HTR3A: variants seen among roughly 807,000 people sequenced by gnomAD.
HTR3A encodes 5-hydroxytryptamine (serotonin) receptor 3A, ionotropic.
Under a neutral mutation model 54.8 loss-of-function variants are expected in HTR3A, and 45 were observed. The ratio of observed to expected loss-of-function variants is 0.82; its 90% CI spans 0.65 to 1.05. The LOEUF is 1.05. HTR3A is among the 50% of genes least tolerant of loss of function. The pLI, the probability that HTR3A is intolerant of heterozygous loss-of-function variation, is 0.00. For synonymous variants in HTR3A, 297 were observed against 256.0 expected (o/e 1.16, Z -1.53); for missense variants, 657 against 614.0 (o/e 1.07, Z -0.74).
chr11:113,989,859 A>G lies in HTR3A; in HGVS notation c.*96A>G. On this transcript the variant is annotated 3_prime_UTR_variant, in exon 9 of 9. Transcript: ENST00000504030. The surrounding 1 kb of genome is among the most constrained non-coding windows in gnomAD (Gnocchi z 4.4). ...CCTCAGGACCCAGGGAATGCCAGGG[A>G]CATTTTCAAGACACAGACAAAGTCC... The G allele has an allele frequency of 7.4e-7, 1 of 1,350,954 alleles. No homozygotes were observed. Among genetic ancestry groups the G allele is most frequent in the Non-Finnish European group, 1.0e-6 (1 of 955,082 alleles). 83.7% of individuals were successfully genotyped at this position (1,350,954 alleles called of 1,614,324 possible). A position where few individuals can be genotyped will look rare whatever the true frequency, so the allele number is the denominator to read the frequency against.
chr11:113,977,967 T>C, intron 2 of HTR3A, 45 bp downstream of exon 2: 1 of 1,612,156 alleles, frequency 6.2e-7, no homozygotes, highest in Non-Finnish European at 8.5e-7. Flanking sequence ...CTTTTGGGGG[T>C]GGGAGAAGGC....
intron 2 of HTR3A, 108 bp downstream of exon 2, chr11:113,978,030 AG>A: frequency 1.5e-6 from 2 of 1,312,744 alleles, no homozygotes; most frequent in Non-Finnish European, 2.2e-6. Context: ...GAGAACCCAT[AG>A]GACCTACGGT....
chr11:113,989,543 C>A lies in HTR3A; in HGVS notation c.1217C>A (p.Pro406Gln), dbSNP rs771908921. The change falls in exon 9 of 9, where the codon CCA becomes CAA. Residue 406 changes from proline to glutamine, a missense_variant. Pro to Gln is a moderately conservative substitution (Grantham distance 76). Coordinates refer to ENST00000504030, the MANE Select transcript of HTR3A (RefSeq NM_000869.6). This position sits in a 1 kb window ranked among gnomAD's most constrained non-coding sequence, Gnocchi z 4.4. ...KSPRDRCSPPPPPREASLAVC... is the reference protein window; with the variant it reads ...KSPRDRCSPPQPPREASLAVC... ...CCGAGGGACAGATGTAGCCCTCCCC[C>A]ACCACCTCGGGAGGCCTCGCTGGCG... 12 of 1,614,086 alleles carry A rather than the reference C, an allele frequency of 7.4e-6. No individual in the cohort carries two copies. In the African/African-American group the frequency reaches 1.2e-4, roughly 16 times the overall value.
chr11:113,984,804 A>G (rs1176714), intron 5 of HTR3A, among the ~76,000 whole-genome samples: 37,217 of 151,978 alleles, frequency 0.24, 4,806 homozygotes, highest in Admixed American at 0.3. Flanking sequence ...TGTAATCCCA[A>G]CTACTCAGGA....
intron 1 of HTR3A, chr11:113,977,401 C>A: frequency 1.5e-6 from 1 of 672,306 alleles, no homozygotes; most frequent in Non-Finnish European, 2.5e-6. Context: ...AGTATCATAC[C>A]CTGAGAGCCA....
rs564173649 is a variant in HTR3A at position 113,975,295 on chromosome 11, C to T, written c.-31C>T. 2.1e-5 allele frequency: 34 copies of T among 1,612,090 alleles called. No individual in the cohort carries two copies. The East Asian group carries it at 2.2e-4, about 11-fold the overall frequency. On this transcript the variant is annotated 5_prime_UTR_variant, in exon 1 of 9. Transcript: ENST00000504030. ...CTTGGTGGGCCTCGTCCTGAGCACT[C>T]GGAGGCACTCCTATGCTTGGAAAGC...
At position 113,975,261 on chromosome 11, in the gene HTR3A, A is replaced by G; in HGVS notation, c.-65A>G. 6.5e-7 allele frequency: 1 copy of G among 1,538,920 alleles called. No homozygotes were observed. The highest frequency in any genetic ancestry group is 8.9e-7 in the Non-Finnish European group (1 of 1,119,208). On this transcript the variant is annotated 5_prime_UTR_variant, in exon 1 of 9. Transcript: ENST00000504030. ...GACATGAGGTTGGCAGAGGGCAGGC[A>G]AGCTGGCCCTTGGTGGGCCTCGTCC... is the stretch of plus-strand genomic sequence containing the variant.
At chr11:113,985,952 T>C in intron 5 of HTR3A, 63 bp from the exon 6 acceptor site, 1 of 1,575,888 alleles carries the variant, frequency 6.3e-7, no homozygotes, top group Non-Finnish European at 8.7e-7. Flanking sequence ...TGTCCCATCA[T>C]CACAGGGTCC....
chr11:113,978,803 C>A (rs1275019919), intron 2 of HTR3A, among the ~76,000 whole-genome samples: 2 of 152,100 alleles, frequency 1.3e-5, no homozygotes, highest in Non-Finnish European at 2.9e-5. Context: ...CCAGCCTGGA[C>A]AACATAGCGA....
In HTR3A at chr11:113,983,266, C is replaced by T; in HGVS notation, c.521C>T (p.Thr174Ile). 1 of 1,614,168 alleles carries T rather than the reference C, an allele frequency of 6.2e-7. No homozygotes were observed. Among genetic ancestry groups the T allele is most frequent in the South Asian group, 1.1e-5 (1 of 91,086 alleles). ...TTCGATGTCCAGAACTGCTCGCTGACCTTCACCAGTTGGCTGCACACCAGT... is the reference window on the plus strand; with the variant it reads ...TTCGATGTCCAGAACTGCTCGCTGATCTTCACCAGTTGGCTGCACACCAGT... ...FPFDVQNCSL[T>I]FTSWLHTIQD... The change falls in exon 5 of 9, where the codon ACC becomes ATC. Residue 174 changes from threonine (T) to isoleucine (I), a missense_variant. Coordinates refer to ENST00000504030, the MANE Select transcript of HTR3A (RefSeq NM_000869.6).
Position 113,977,834 on chromosome 11 carries a change from A to G in HTR3A, c.131A>G (p.Asn44Ser), listed in dbSNP as rs186762351. Reference sequence around the variant, plus strand: ...AGGCTGTCGGATTACCTTTTGACCAACTACAGGAAGGGTGTGCGCCCCGTG... The same window carrying G: ...AGGCTGTCGGATTACCTTTTGACCAGCTACAGGAAGGGTGTGCGCCCCGTG... ...LLRLSDYLLT[N>S]YRKGVRPVRD... Residue 44 changes from asparagine to serine, a missense_variant, in exon 2 of 9, where the codon AAC becomes AGC. Transcript: ENST00000504030. The G allele has an allele frequency of 2.6e-5, 42 of 1,614,116 alleles. No homozygotes were observed. The Admixed American group carries it at 3.3e-4, about 13-fold the overall frequency.
At chr11:113,977,078 A>T (rs1176724) in intron 1 of HTR3A, among the ~76,000 whole-genome samples, 137,268 of 151,988 alleles carry the variant, frequency 0.9, 63,645 homozygotes, top group East Asian at 1. Flanking sequence ...CCAACCACCT[A>T]TCTAAGCCCA....
chr11:113,982,383 A>G (rs915484765), intron 4 of HTR3A, among the ~76,000 whole-genome samples: 1 of 152,240 alleles, frequency 6.6e-6, no homozygotes, highest in African/African-American at 2.4e-5. Flanking sequence ...CATCCTCTAC[A>G]TAGCTCAGGC....
At chr11:113,981,020 T>C in intron 3 of HTR3A, 183 bp from the exon 4 acceptor site, 1 of 619,270 alleles carries the variant, frequency 1.6e-6, no homozygotes, top group South Asian at 1.8e-5. Context: ...AGGCAGAGTG[T>C]GAATGAAGAG....
intron 2 of HTR3A, among the ~76,000 whole-genome samples, chr11:113,978,941 A>G (rs796881085): frequency 1.8e-4 from 28 of 152,328 alleles, no homozygotes; most frequent in African/African-American, 6.0e-4. Flanking sequence ...ATGAGCTGAG[A>G]TTGTGCCACT....
At chr11:113,982,970 A>C in intron 4 of HTR3A, 150 bp from the exon 5 acceptor site, 1 of 866,528 alleles carries the variant, frequency 1.2e-6, no homozygotes, top group East Asian at 2.6e-5. Flanking sequence ...GGAAGGTTGG[A>C]AAAACCGAGG....
chr11:113,979,038 C>T (rs998739356), intron 2 of HTR3A, among the ~76,000 whole-genome samples, 195 bp from the exon 3 acceptor site: 1 of 152,176 alleles, frequency 6.6e-6, no homozygotes, highest in Non-Finnish European at 1.5e-5. Context: ...TGCGTATGCT[C>T]TAGTGAACAA....
chr11:113,977,399 A>G, intron 1 of HTR3A: 1 of 664,736 alleles, frequency 1.5e-6, no homozygotes, highest in East Asian at 2.7e-5. Flanking sequence ...TTAGTATCAT[A>G]CCCTGAGAGC....
chr11:113,982,021 G>A (rs1368374438), intron 4 of HTR3A, among the ~76,000 whole-genome samples: 1 of 151,638 alleles, frequency 6.6e-6, no homozygotes, highest in Non-Finnish European at 1.5e-5. Context: ...GGCCCGCAAA[G>A]GAGATTTGGA....
Sources: gnomAD v4.1 joint callset for allele counts (sites outside exome capture counted in the v4.1 genomes callset) on GRCh38, gnomAD v4.1.1 for gene constraint, Gnocchi (gnomAD v3.1) non-coding constraint, MANE v1.5 for transcripts, NCBI Gene and HGNC (gene_info 2026-07-23, HGNC 2026-07-21) for gene names.